TTBK2: variants seen among roughly 807,000 people sequenced by gnomAD.
TTBK2 encodes the protein tau tubulin kinase 2, also known as tau-tubulin kinase 2.
A neutral mutation model predicts 110.8 loss-of-function variants in TTBK2; 28 were observed. The ratio of observed to expected loss-of-function variants is 0.25; its 90% CI spans 0.19 to 0.35. TTBK2 has a LOEUF of 0.35. Ranked by LOEUF, TTBK2 falls within the 10% of genes least tolerant of loss-of-function variation. TTBK2 has a pLI of 1.00. For synonymous variants in TTBK2, 532 were observed against 527.3 expected (o/e 1.01, Z -0.12); for missense variants, 1,369 against 1,500.3 (o/e 0.91, Z 1.45).
intron 3 of TTBK2, chr15:42,857,660 A>T (rs1013442238): frequency 5.3e-5 from 8 of 152,190 alleles, no homozygotes; most frequent in African/African-American, 1.9e-4. Context: ...CTTTTCAACA[A>T]TACAGATCCC....
At chr15:42,767,076 T>A (rs944376087) in intron 13 of TTBK2, among the ~76,000 whole-genome samples, 3 of 152,206 alleles carry the variant, frequency 2.0e-5, no homozygotes, top group Admixed American at 2.0e-4. Flanking sequence ...AGATGTTCTT[T>A]GAAACCAGTG....
intron 1 of TTBK2, among the ~76,000 whole-genome samples, chr15:42,882,290 A>ATATATACT (rs1203650942): frequency 5.9e-5 from 9 of 152,122 alleles, no homozygotes; most frequent in Non-Finnish European, 1.0e-4. Flanking sequence ...ACAGAAAAAA[A>ATATATACT]TATATACTTA....
chr15:42,900,551 G>A (rs560077084), intron 1 of TTBK2, among the ~76,000 whole-genome samples: 7 of 151,794 alleles, frequency 4.6e-5, no homozygotes, highest in South Asian at 4.2e-4. Flanking sequence ...GCAAAACCCC[G>A]TCTCTACTAA....
intron 9 of TTBK2, among the ~76,000 whole-genome samples, chr15:42,804,162 T>C (rs1383123129): frequency 1.3e-5 from 2 of 151,868 alleles, no homozygotes; most frequent in African/African-American, 4.8e-5. Context: ...ATATTAACAA[T>C]GGCCAGTTGC....
intron 6 of TTBK2, among the ~76,000 whole-genome samples, chr15:42,823,126 A>G (rs1222984456): frequency 6.6e-6 from 1 of 152,252 alleles, no homozygotes; most frequent in Non-Finnish European, 1.5e-5. Flanking sequence ...TATGTAAGTT[A>G]CTACAATCCT....
intron 10 of TTBK2, among the ~76,000 whole-genome samples, chr15:42,788,477 GA>G (rs1490058133): frequency 1.3e-5 from 2 of 152,112 alleles, no homozygotes; most frequent in Admixed American, 1.3e-4. Flanking sequence ...GTCTTAAACT[GA>G]GGGTGGTACA....
At chr15:42,863,855 G>A (rs188957099) in intron 3 of TTBK2, among the ~76,000 whole-genome samples, 25 of 152,284 alleles carry the variant, frequency 1.6e-4, no homozygotes, top group African/African-American at 5.8e-4. Context: ...TCAATAAATG[G>A]TGCTGGGATA....
At chr15:42,864,314 G>A (rs1037026315) in intron 3 of TTBK2, among the ~76,000 whole-genome samples, 5 of 152,194 alleles carry the variant, frequency 3.3e-5, no homozygotes, top group Non-Finnish European at 7.3e-5. Context: ...GCCAGGCGTG[G>A]TGGCTAACGC....
At chr15:42,891,729 T>C (rs1895464530) in intron 1 of TTBK2, among the ~76,000 whole-genome samples, 1 of 152,154 alleles carries the variant, frequency 6.6e-6, no homozygotes, top group Non-Finnish European at 1.5e-5. Flanking sequence ...ATTTTAAGTA[T>C]AGCACTTTCA....
intron 3 of TTBK2, among the ~76,000 whole-genome samples, chr15:42,867,936 G>A (rs1291636917): frequency 6.6e-6 from 1 of 152,102 alleles, no homozygotes; most frequent in Non-Finnish European, 1.5e-5. Context: ...GGTACCTCTA[G>A]ACAATGGAAT....
Position 42,745,604 on chromosome 15 carries a change from C to A in TTBK2, c.*191G>T. The stretch of plus-strand genomic sequence containing the variant: ...CCTTCTTGTACAAAGACATTGATTC[C>A]TAATCTACTTGCTGCCTGCCTTAGG... On this transcript the variant is annotated 3_prime_UTR_variant, in exon 15 of 15. Transcript: ENST00000267890. 1 of 703,414 alleles carries A rather than the reference C, an allele frequency of 1.4e-6. No individual in the cohort carries two copies. 43.6% of individuals were successfully genotyped at this position (703,414 alleles called of 1,614,324 possible).
intron 4 of TTBK2, among the ~76,000 whole-genome samples, chr15:42,839,518 C>T (rs750544285): frequency 1.3e-4 from 20 of 152,178 alleles, no homozygotes; most frequent in Non-Finnish European, 2.6e-4. Flanking sequence ...TCTGAGAAAT[C>T]TCTAGACTGC....
chr15:42,773,089 G>C (rs538759294), intron 13 of TTBK2, among the ~76,000 whole-genome samples: 1 of 152,254 alleles, frequency 6.6e-6, no homozygotes, highest in African/African-American at 2.4e-5. Context: ...TGTAGTCCTA[G>C]TGACTTGGGA....
chr15:42,750,410 C>T (rs1457058990), intron 14 of TTBK2, among the ~76,000 whole-genome samples: 3 of 151,814 alleles, frequency 2.0e-5, no homozygotes, highest in African/African-American at 7.3e-5. Context: ...AAATAAGAGA[C>T]AGAAAACCTA....
intron 1 of TTBK2, among the ~76,000 whole-genome samples, chr15:42,901,163 C>T (rs570474481): frequency 6.3e-4 from 96 of 152,102 alleles, no homozygotes; most frequent in African/African-American, 2.2e-3. Flanking sequence ...GAGTTCAAGA[C>T]CAGCCCGGCC....
In TTBK2 at chr15:42,815,917, T is replaced by A. The variant is rs1385388594; in HGVS notation, c.603+1115A>T. On this transcript the variant is annotated intron_variant, in intron 7 of 14. Transcript: ENST00000267890. ...AAATATATATATATATTTAAAAATA[T>A]ATATATATTTAAAAATATATATATA... is the stretch of plus-strand genomic sequence containing the variant. Among the ~76,000 whole-genome samples the A allele has an allele frequency of 3.4e-4, 33 of 96,560 alleles. 2 individuals are homozygous for A. The highest frequency in any genetic ancestry group is 1.7e-3 in the African/African-American group (29 of 17,344). The allele number at this position is 96,560 out of a possible 152,430, so 63.3% of individuals were successfully genotyped here.
At chr15:42,831,790 C>T (rs1892771304) in intron 4 of TTBK2, among the ~76,000 whole-genome samples, 1 of 152,138 alleles carries the variant, frequency 6.6e-6, no homozygotes, top group South Asian at 2.1e-4. Context: ...GGCCCTGCAG[C>T]ACTACCTCCC....
At chr15:42,905,150 A>C (rs1286878355) in intron 1 of TTBK2, among the ~76,000 whole-genome samples, 2 of 152,216 alleles carry the variant, frequency 1.3e-5, no homozygotes, top group Non-Finnish European at 2.9e-5. Flanking sequence ...CTGGGATTAC[A>C]GGCCTGTGCC....
chr15:42,771,208 C>T (rs943653866), intron 13 of TTBK2, among the ~76,000 whole-genome samples: 2 of 151,998 alleles, frequency 1.3e-5, no homozygotes, highest in Middle Eastern at 3.2e-3. Flanking sequence ...CTCCTGACCT[C>T]GTGATCCGCC....
Sources: gnomAD v4.1 joint callset for allele counts (sites outside exome capture counted in the v4.1 genomes callset) on GRCh38, gnomAD v4.1.1 for gene constraint, MANE v1.5 for transcripts, NCBI Gene and HGNC (gene_info 2026-07-23, HGNC 2026-07-21) for gene names.